NEMP2: variants seen among roughly 807,000 people sequenced by gnomAD.
NEMP2 encodes the protein UPF0571 transmembrane protein.
Under a neutral mutation model 54.2 loss-of-function variants are expected in NEMP2, and 53 were observed. The observed-to-expected ratio is 0.98, with a 90% CI of 0.78 to 1.23. NEMP2 has a LOEUF of 1.23. Ranked by LOEUF, NEMP2 falls within the 50% of genes most tolerant of loss-of-function variation. The probability of loss-of-function intolerance (pLI) is 0.00; values close to 1 mark genes in which losing one functional copy is unlikely to be tolerated. For synonymous variants in NEMP2, 197 were observed against 190.3 expected (o/e 1.04, Z -0.29); for missense variants, 455 against 511.3 (o/e 0.89, Z 1.06).
the NEMP2 span, among the ~76,000 whole-genome samples, chr2:190,478,880 G>C: frequency 6.6e-6 from 1 of 151,788 alleles, no homozygotes; most frequent in Non-Finnish European, 1.5e-5. Flanking sequence ...TACCACCCTT[G>C]CTTTATCCCC....
chr2:190,533,934 G>A lies in NEMP2; in HGVS notation c.97+625C>T, dbSNP rs1691255006. 1.0e-6 allele frequency: 1 copy of A among 978,216 alleles called. No homozygotes were observed. The highest frequency in any genetic ancestry group is 6.2e-5 in the Admixed American group (1 of 16,260). 60.6% of individuals were successfully genotyped at this position (978,216 alleles called of 1,614,324 possible). A position where few individuals can be genotyped will look rare whatever the true frequency, so the allele number is the denominator to read the frequency against. On this transcript the variant is annotated intron_variant, in intron 1 of 8. Transcript: ENST00000409150. This position sits in a 1 kb window ranked among gnomAD's most constrained non-coding sequence, Gnocchi z 4.3. Reference sequence around the variant, plus strand: ...CCGTGGCGAGCCCCTACAGCTAGCAGCCGCTACCAGTTCTTGCTTCCTGTG... The same window carrying A: ...CCGTGGCGAGCCCCTACAGCTAGCAACCGCTACCAGTTCTTGCTTCCTGTG...
chr2:190,498,634 A>T, the NEMP2 span, among the ~76,000 whole-genome samples: 3 of 152,190 alleles, frequency 2.0e-5, no homozygotes, highest in Admixed American at 2.0e-4. The surrounding 1 kb of genome is among the most constrained non-coding windows in gnomAD (Gnocchi z 5.9). Flanking sequence ...ATAAACTCAC[A>T]TCATTACTCT....
chr2:190,564,398 C>T, the NEMP2 span, among the ~76,000 whole-genome samples: 15 of 152,282 alleles, frequency 9.9e-5, no homozygotes, highest in Admixed American at 9.8e-4. The surrounding 1 kb of genome is among the most constrained non-coding windows in gnomAD (Gnocchi z 4.2). Flanking sequence ...TTTATCTTGT[C>T]AGCACTAAGC....
rs1248783019 is a variant in NEMP2 at position 190,513,641 on chromosome 2, C to T, written c.953+812G>A. Among the ~76,000 whole-genome samples, 2 of 152,246 alleles carry T rather than the reference C, an allele frequency of 1.3e-5. No individual in the cohort carries two copies. The highest frequency in any genetic ancestry group is 2.9e-5 in the Non-Finnish European group (2 of 68,036). ...TTGCTTGCTGCACTGACAGCACTGC[C>T]TATCTCCTGATGGTACCAAACTGGG... On this transcript the variant is annotated intron_variant, in intron 7 of 8. Transcript: ENST00000409150. This position sits in a 1 kb window ranked among gnomAD's most constrained non-coding sequence, Gnocchi z 5.3.
At chr2:190,620,720 A>G in the NEMP2 span, among the ~76,000 whole-genome samples, 3,524 of 152,248 alleles carry the variant, frequency 0.023, 132 homozygotes, top group African/African-American at 0.08. The surrounding 1 kb of genome is among the most constrained non-coding windows in gnomAD (Gnocchi z 4.9). Context: ...AAGAAGGCCC[A>G]CTCTTGTTAC....
At chr2:190,572,833 G>GTATATATATA in the NEMP2 span, among the ~76,000 whole-genome samples, 145 of 47,774 alleles carry the variant, frequency 3.0e-3, 3 homozygotes, top group African/African-American at 5.0e-3. Context: ...CTTTTCATGA[G>GTATATATATA]TATATATATA....
At chr2:190,433,626 A>T in the NEMP2 span, among the ~76,000 whole-genome samples, 1 of 152,146 alleles carries the variant, frequency 6.6e-6, no homozygotes, top group Admixed American at 6.5e-5. The surrounding 1 kb of genome is among the most constrained non-coding windows in gnomAD (Gnocchi z 4.5). Context: ...CTTCAGTTAA[A>T]TTTTTTTTAA....
rs1553528172 is a variant in NEMP2, at chr2:190,504,965, C to CAA, written c.*4222_*4223dup. The CAA allele has an allele frequency of 6.6e-6, 1 of 152,100 alleles. No homozygotes were observed. Among genetic ancestry groups the CAA allele is most frequent in the African/African-American group, 2.4e-5 (1 of 41,418 alleles). The allele number at this position is 152,100 out of a possible 1,614,324, so 9.4% of individuals were successfully genotyped here. Reference sequence around the variant, plus strand: ...CTTATATTCTGTATGTCTTTTCTTTCAAAGATTATTTCATTTTTCTAATAA... The same window carrying CAA: ...CTTATATTCTGTATGTCTTTTCTTTCAAAAAGATTATTTCATTTTTCTAATAA... On this transcript the variant is annotated 3_prime_UTR_variant, in exon 9 of 9. Coordinates refer to ENST00000409150, the MANE Select transcript of NEMP2 (RefSeq NM_001142645.2). This position sits in a 1 kb window ranked among gnomAD's most constrained non-coding sequence, Gnocchi z 5.6.
At chr2:190,602,226 G>A in the NEMP2 span, among the ~76,000 whole-genome samples, 10 of 152,146 alleles carry the variant, frequency 6.6e-5, no homozygotes, top group Admixed American at 3.3e-4. Context: ...ATATGATCGT[G>A]GGGGCAATTT....
At chr2:190,551,441 C>T in the NEMP2 span, among the ~76,000 whole-genome samples, 1 of 148,422 alleles carries the variant, frequency 6.7e-6, no homozygotes, top group East Asian at 2.0e-4. Context: ...GTTTTCTTTG[C>T]TCTTCTGTTT....
the NEMP2 span, among the ~76,000 whole-genome samples, chr2:190,430,787 C>T: frequency 2.4e-4 from 26 of 108,990 alleles, no homozygotes; most frequent in East Asian, 5.5e-3. Flanking sequence ...GGCGGCCGGG[C>T]GGGCAGAGGC....
the NEMP2 span, among the ~76,000 whole-genome samples, chr2:190,472,462 T>C: frequency 6.6e-6 from 1 of 152,218 alleles, no homozygotes; most frequent in African/African-American, 2.4e-5. Flanking sequence ...GTAGCTGATT[T>C]GATCATCTGG....
chr2:190,532,709 G>A (rs773334615), intron 1 of NEMP2, among the ~76,000 whole-genome samples: 1 of 152,112 alleles, frequency 6.6e-6, no homozygotes, highest in African/African-American at 2.4e-5. Context: ...CAAGCCCCTC[G>A]CTTAAAGGAA....
At chr2:190,556,440 A>C in the NEMP2 span, among the ~76,000 whole-genome samples, 1 of 152,218 alleles carries the variant, frequency 6.6e-6, no homozygotes, top group Non-Finnish European at 1.5e-5. Context: ...GCCCTCTCTC[A>C]ACACTCCTAT....
the NEMP2 span, among the ~76,000 whole-genome samples, chr2:190,622,271 G>A: frequency 6.6e-6 from 1 of 151,750 alleles, no homozygotes; most frequent in African/African-American, 2.4e-5. Context: ...AACTGGGTGT[G>A]GTGGTGTGAG....
chr2:190,539,402 T>C (rs909857019), upstream of NEMP2, among the ~76,000 whole-genome samples: 1 of 152,216 alleles, frequency 6.6e-6, no homozygotes, highest in Non-Finnish European at 1.5e-5. The surrounding 1 kb of genome is among the most constrained non-coding windows in gnomAD (Gnocchi z 4.1). Context: ...AGCTTTGTTC[T>C]TTTCGCCCAG....
At chr2:190,536,673 C>T (rs1483784862), upstream of NEMP2, among the ~76,000 whole-genome samples, 1 of 152,194 alleles carries the variant, frequency 6.6e-6, no homozygotes, top group Non-Finnish European at 1.5e-5. Context: ...AGAGACCTCT[C>T]TGTAACACAG....
chr2:190,479,701 A>C, the NEMP2 span, among the ~76,000 whole-genome samples: 4 of 152,144 alleles, frequency 2.6e-5, no homozygotes, highest in African/African-American at 7.2e-5. Context: ...ATCTGATGAG[A>C]GTAAAACTCA....
chr2:190,461,902 A>C, the NEMP2 span, among the ~76,000 whole-genome samples: 1 of 152,152 alleles, frequency 6.6e-6, no homozygotes, highest in African/African-American at 2.4e-5. The surrounding 1 kb of genome is among the most constrained non-coding windows in gnomAD (Gnocchi z 5.5). Flanking sequence ...ATCTGAGAGC[A>C]GAAGTCTTTT....
Sources: allele counts gnomAD v4.1 joint callset (sites outside exome capture counted in the v4.1 genomes callset), GRCh38; gene constraint gnomAD v4.1.1; non-coding constraint Gnocchi (gnomAD v3.1); transcripts MANE v1.5; gene names NCBI Gene and HGNC (gene_info 2026-07-23, HGNC 2026-07-21).